The following ARHGAP25 variants were observed in gnomAD, a reference collection of about 807,000 sequenced individuals.
The protein encoded by ARHGAP25 is Rho GTPase activating protein 25.
ARHGAP25 carries 34 observed loss-of-function variants against 71.0 expected under a neutral mutation model. The observed-to-expected ratio is 0.48, with a 90% CI of 0.36 to 0.64. The LOEUF (loss-of-function observed/expected upper bound fraction) is 0.64. ARHGAP25 is among the 30% of genes least tolerant of loss of function. The pLI, the probability that ARHGAP25 is intolerant of heterozygous loss-of-function variation, is 0.00. For synonymous variants in ARHGAP25, 282 were observed against 296.5 expected (o/e 0.95, Z 0.50); for missense variants, 706 against 805.1 (o/e 0.88, Z 1.49).
chr2:68,715,096 T>C (rs1674577552), intron 2 of ARHGAP25, among the ~76,000 whole-genome samples: 1 of 152,102 alleles, frequency 6.6e-6, no homozygotes, highest in African/African-American at 2.4e-5. Flanking sequence ...AAGGCTTAAC[T>C]TGAACCTTGT....
chr2:68,721,400 T>C (rs1000385794), intron 2 of ARHGAP25, among the ~76,000 whole-genome samples: 1 of 152,236 alleles, frequency 6.6e-6, no homozygotes, highest in Non-Finnish European at 1.5e-5. Context: ...ATTCCACACC[T>C]CTTTTCTGTG....
rs2271835 is a variant in ARHGAP25 at position 68,781,973 on chromosome 2, G to A, written c.262-260G>A. On this transcript the variant is annotated intron_variant, in intron 2 of 10. Transcript: ENST00000409202. Reference sequence around the variant, plus strand: ...AAAGTGGGAAGAGGCAAGTATTGGTGATGACACCCTCTTAGCTCATTCTTA... The same window carrying A: ...AAAGTGGGAAGAGGCAAGTATTGGTAATGACACCCTCTTAGCTCATTCTTA... Among the ~76,000 whole-genome samples the A allele has an allele frequency of 5.7e-4, 87 of 152,296 alleles. No homozygotes were observed. In the East Asian group the frequency reaches 6.6e-3, roughly 11 times the overall value.
At chr2:68,716,937 T>C (rs1488686993) in intron 2 of ARHGAP25, among the ~76,000 whole-genome samples, 1 of 152,252 alleles carries the variant, frequency 6.6e-6, no homozygotes, top group African/African-American at 2.4e-5. Context: ...GTATTTGTTT[T>C]ATGTGTATTC....
intron 4 of ARHGAP25, among the ~76,000 whole-genome samples, chr2:68,798,290 T>C (rs1165705857): frequency 6.6e-6 from 1 of 152,242 alleles, no homozygotes; most frequent in Non-Finnish European, 1.5e-5. Context: ...GCAATCATTG[T>C]TATTCCATGT....
At chr2:68,714,608 C>T (rs1674568360) in intron 2 of ARHGAP25, among the ~76,000 whole-genome samples, 1 of 152,090 alleles carries the variant, frequency 6.6e-6, no homozygotes, top group Non-Finnish European at 1.5e-5. Flanking sequence ...CCTGCTTTCT[C>T]CTTTGGGCAT....
At chr2:68,746,897 A>G (rs1274769044) in intron 1 of ARHGAP25, among the ~76,000 whole-genome samples, 2 of 150,674 alleles carry the variant, frequency 1.3e-5, no homozygotes, top group Non-Finnish European at 2.9e-5. Flanking sequence ...AATCCCACCT[A>G]CTCGGGAGGC....
intron 8 of ARHGAP25, 72 bp from the exon 9 acceptor site, chr2:68,819,051 G>C: frequency 7.5e-7 from 1 of 1,341,466 alleles, no homozygotes; most frequent in Non-Finnish European, 1.0e-6. Context: ...AGACATCCAC[G>C]GGTGGGGATC....
intron 10 of ARHGAP25, 72 bp downstream of exon 10, chr2:68,822,944 C>T (rs552980420): frequency 5.0e-5 from 72 of 1,445,296 alleles, no homozygotes; most frequent in Admixed American, 8.9e-5. Context: ...TGTTCCCATC[C>T]GCCAGAGAAG....
intron 10 of ARHGAP25, 122 bp downstream of exon 10, chr2:68,822,994 A>G: frequency 1.9e-6 from 2 of 1,031,004 alleles, no homozygotes; most frequent in Non-Finnish European, 1.4e-6. Flanking sequence ...ACAGTAATCT[A>G]TAGCAGGCCT....
At position 68,822,390 on chromosome 2, in the gene ARHGAP25, G is replaced by A. The variant is rs143476860; in HGVS notation, c.1251G>A (p.Ala417=). The A allele has an allele frequency of 7.0e-4, 1,124 of 1,614,150 alleles. 7 individuals carry two copies. In the African/African-American group the frequency reaches 0.013, roughly 19 times the overall value. ...CCACCGGACAGCAGCCGAGCGATGC[G>A]TTTCCGGAGGACAGCAGCAAAGTAC... The part of the protein sequence containing the change: ...TSPTGQQPSD[A]FPEDSSKVPR... Residue 417 remains alanine (A), a synonymous_variant, in exon 10 of 11, where the codon GCG becomes GCA. Transcript: ENST00000409202.
chr2:68,772,327 C>G (rs939334689), intron 1 of ARHGAP25, among the ~76,000 whole-genome samples: 1 of 152,244 alleles, frequency 6.6e-6, no homozygotes, highest in Non-Finnish European at 1.5e-5. Context: ...GGCACTTCCC[C>G]TCACTCCTGA....
chr2:68,774,760 A>C (rs1677744126), intron 1 of ARHGAP25: 1 of 1,023,306 alleles, frequency 9.8e-7, no homozygotes, highest in Non-Finnish European at 1.2e-6. Context: ...AAGAGTGCCC[A>C]GGCAGCTTCC....
At chr2:68,809,007 C>G (rs934286041) in intron 5 of ARHGAP25, among the ~76,000 whole-genome samples, 1 of 152,102 alleles carries the variant, frequency 6.6e-6, no homozygotes, top group Admixed American at 6.5e-5. Flanking sequence ...GAAAGGTCAT[C>G]GGGGGCTTTT....
chr2:68,719,852 T>C (rs1201415961), intron 2 of ARHGAP25, among the ~76,000 whole-genome samples: 1 of 152,154 alleles, frequency 6.6e-6, no homozygotes, highest in Non-Finnish European at 1.5e-5. Context: ...CAGACCCCCA[T>C]GGGTCCCAGC....
chr2:68,790,197 G>T (rs1679066697), intron 4 of ARHGAP25, among the ~76,000 whole-genome samples: 1 of 152,052 alleles, frequency 6.6e-6, no homozygotes, highest in Non-Finnish European at 1.5e-5. Flanking sequence ...CCTTGTTTTG[G>T]CCAGGCTGGT....
chr2:68,768,963 T>A (rs1364399089), intron 1 of ARHGAP25, among the ~76,000 whole-genome samples: 1 of 152,132 alleles, frequency 6.6e-6, no homozygotes, highest in Non-Finnish European at 1.5e-5. Flanking sequence ...GCATGTCAAG[T>A]CCTCAATCTT....
chr2:68,728,389 T>C (rs1057262988), intron 2 of ARHGAP25, among the ~76,000 whole-genome samples: 2 of 152,294 alleles, frequency 1.3e-5, no homozygotes, highest in East Asian at 1.9e-4. Flanking sequence ...CTGGTGGAAA[T>C]GTAAAATGGT....
intron 6 of ARHGAP25, among the ~76,000 whole-genome samples, chr2:68,813,632 C>A (rs1176692024): frequency 6.6e-6 from 1 of 152,156 alleles, no homozygotes; most frequent in Non-Finnish European, 1.5e-5. Context: ...AAGAATTGGA[C>A]CATAATCAAA....
chr2:68,809,573 A>G (rs1273029045), intron 5 of ARHGAP25, among the ~76,000 whole-genome samples: 2 of 152,052 alleles, frequency 1.3e-5, no homozygotes, highest in Non-Finnish European at 2.9e-5. Context: ...GAAAGAGGGC[A>G]GGAAAGGGGG....
Sources: gnomAD v4.1 joint callset for allele counts (sites outside exome capture counted in the v4.1 genomes callset) on GRCh38, gnomAD v4.1.1 for gene constraint, MANE v1.5 for transcripts, NCBI Gene and HGNC (gene_info 2026-07-23, HGNC 2026-07-21) for gene names.